Variants in TMEM131L observed in about 807,000 individuals in gnomAD.
The protein encoded by TMEM131L is transmembrane protein 131-like.
In TMEM131L, 54 loss-of-function variants were observed where a neutral mutation model predicts 192.2. The observed-to-expected ratio is 0.28, with a 90% confidence interval of 0.23 to 0.35. The LOEUF (loss-of-function observed/expected upper bound fraction) is 0.35. Ranked by LOEUF, TMEM131L falls within the 10% of genes least tolerant of loss-of-function variation. The pLI is 1.00. For synonymous variants in TMEM131L, 701 were observed against 704.9 expected (o/e 0.99, Z 0.09); for missense variants, 1,888 against 1,972.9 (o/e 0.96, Z 0.82).
At chr4:153,589,147 C>T in intron 16 of TMEM131L, 140 bp downstream of exon 16, 2 of 462,274 alleles carry the variant, frequency 4.3e-6, no homozygotes, top group South Asian at 8.8e-5. Context: ...ACCCTATATA[C>T]TATGCATGAA....
chr4:153,522,078 T>G (rs1290121154), intron 3 of TMEM131L, among the ~76,000 whole-genome samples: 1 of 152,162 alleles, frequency 6.6e-6, no homozygotes, highest in Non-Finnish European at 1.5e-5. Flanking sequence ...CTGGGACCTC[T>G]GGTTTTCTTG....
At chr4:153,586,626 AT>A (rs767467025) in intron 14 of TMEM131L, among the ~76,000 whole-genome samples, 4 of 152,296 alleles carry the variant, frequency 2.6e-5, no homozygotes, top group African/African-American at 2.4e-5. Context: ...TGACCAATAG[AT>A]TAATAGATGT....
chr4:153,545,164 C>G (rs2150363168), intron 3 of TMEM131L, among the ~76,000 whole-genome samples: 1 of 152,258 alleles, frequency 6.6e-6, no homozygotes, highest in East Asian at 1.9e-4. Context: ...TCCAATGCAG[C>G]TTGCTCATTT....
intron 7 of TMEM131L, among the ~76,000 whole-genome samples, chr4:153,578,566 G>T (rs1207122568): frequency 6.6e-6 from 1 of 150,724 alleles, no homozygotes; most frequent in African/African-American, 2.4e-5. Context: ...TGTCGCCCAG[G>T]CTGGAGTGCA....
At chr4:153,547,663 C>A (rs1737286135) in intron 3 of TMEM131L, among the ~76,000 whole-genome samples, 1 of 152,224 alleles carries the variant, frequency 6.6e-6, no homozygotes, top group African/African-American at 2.4e-5. Context: ...ACTCTCAGGG[C>A]TGGAAGGTGA....
At chr4:153,557,348 A>G (rs773820322) in intron 6 of TMEM131L, among the ~76,000 whole-genome samples, 3 of 152,188 alleles carry the variant, frequency 2.0e-5, no homozygotes, top group Non-Finnish European at 2.9e-5. Context: ...AATCTGTCAC[A>G]CAGTTTCCCA....
Position 153,471,431 on chromosome 4 carries a change from T to G in TMEM131L, c.196-2414T>G, listed in dbSNP as rs563128283. On this transcript the variant is annotated intron_variant, in intron 2 of 34. Coordinates refer to ENST00000409959, the MANE Select transcript of TMEM131L (RefSeq NM_001131007.2). ...TAGACATTCAGTACTGCCCATGAAG[T>G]CGTCCTAGTGCGGGAGAGGCAGTTG... Among the ~76,000 whole-genome samples, 101 of 152,272 alleles carry G rather than the reference T, an allele frequency of 6.6e-4. 1 individual carries two copies. Among genetic ancestry groups the G allele is most frequent in the African/African-American group, 2.3e-3 (95 of 41,562 alleles).
rs114348655 is a variant in TMEM131L at position 153,502,521 on chromosome 4, C to T, written c.239+28633C>T. Among the ~76,000 whole-genome samples the T allele has an allele frequency of 5.0e-3, 763 of 152,238 alleles. 11 individuals carry two copies. Among genetic ancestry groups the T allele is most frequent in the African/African-American group, 0.017 (706 of 41,542 alleles). On this transcript the variant is annotated intron_variant, in intron 3 of 34. Transcript: ENST00000409959. ...AGGATCATTGATATATTAACTTGTG[C>T]GTTGGTTGAAAAATGAATTATGTGT... is the stretch of plus-strand genomic sequence containing the variant.
intron 3 of TMEM131L, among the ~76,000 whole-genome samples, chr4:153,531,035 A>G (rs1735860394): frequency 6.6e-6 from 1 of 152,194 alleles, no homozygotes; most frequent in Non-Finnish European, 1.5e-5. Flanking sequence ...AGAATTTTAT[A>G]ATGGGAATGA....
intron 4 of TMEM131L, among the ~76,000 whole-genome samples, chr4:153,554,715 C>A (rs1433279505): frequency 6.6e-6 from 1 of 152,200 alleles, no homozygotes; most frequent in African/African-American, 2.4e-5. Flanking sequence ...CTCTCTCTGC[C>A]ACTGAGGCTA....
intron 7 of TMEM131L, among the ~76,000 whole-genome samples, chr4:153,570,339 A>G (rs918673037): frequency 6.6e-6 from 1 of 152,196 alleles, no homozygotes; most frequent in African/African-American, 2.4e-5. Flanking sequence ...GAAGTTGGAG[A>G]GAGCCTCACC....
At chr4:153,626,354 TA>T in intron 30 of TMEM131L, 129 bp downstream of exon 30, 1 of 621,924 alleles carries the variant, frequency 1.6e-6, no homozygotes, top group Non-Finnish European at 2.8e-6. Flanking sequence ...TGCAGGAAAG[TA>T]AAATCTGATT....
intron 3 of TMEM131L, among the ~76,000 whole-genome samples, chr4:153,512,811 A>G (rs151207112): frequency 0.019 from 2,877 of 152,218 alleles, 53 homozygotes; most frequent in South Asian, 0.066. Flanking sequence ...ATGGGGTTTC[A>G]CCATGTTGGC....
At chr4:153,487,054 G>A (rs1048543897) in intron 3 of TMEM131L, among the ~76,000 whole-genome samples, 5 of 152,196 alleles carry the variant, frequency 3.3e-5, no homozygotes, top group African/African-American at 1.2e-4. Flanking sequence ...CCCCAGACCT[G>A]GTGTGAATCA....
intron 26 of TMEM131L, 63 bp from the exon 27 acceptor site, chr4:153,620,693 A>T: frequency 8.8e-7 from 1 of 1,135,756 alleles, no homozygotes; most frequent in Non-Finnish European, 1.2e-6. Context: ...GTCTTCAAAC[A>T]TTTAAACATG....
chr4:153,591,390 C>T (rs1731057079), intron 17 of TMEM131L, among the ~76,000 whole-genome samples, 196 bp downstream of exon 17: 2 of 152,190 alleles, frequency 1.3e-5, no homozygotes, highest in South Asian at 4.1e-4. Context: ...TGAGTGTACC[C>T]TCCATAAATG....
intron 26 of TMEM131L, among the ~76,000 whole-genome samples, chr4:153,618,662 T>G (rs1043670315): frequency 9.9e-5 from 15 of 152,164 alleles, no homozygotes; most frequent in African/African-American, 3.4e-4. Context: ...ACACAGCCAG[T>G]AATCAAGGCA....
chr4:153,554,083 A>AT (rs750742037), intron 4 of TMEM131L: 36 of 152,186 alleles, frequency 2.4e-4, no homozygotes, highest in Admixed American at 9.2e-4. Context: ...TTGTATTTCA[A>AT]TTATGTACAT....
intron 3 of TMEM131L, among the ~76,000 whole-genome samples, chr4:153,481,336 G>T (rs1311279481): frequency 6.6e-6 from 1 of 152,166 alleles, no homozygotes; most frequent in Non-Finnish European, 1.5e-5. Flanking sequence ...TGACACCTGG[G>T]TGAAGAGCTG....
Sources: gnomAD v4.1 joint callset for allele counts (sites outside exome capture counted in the v4.1 genomes callset) on GRCh38, gnomAD v4.1.1 for gene constraint, MANE v1.5 for transcripts, NCBI Gene and HGNC (gene_info 2026-07-23, HGNC 2026-07-21) for gene names.